The following HCN1 variants were observed in gnomAD, a reference collection of about 807,000 sequenced individuals.
The protein encoded by HCN1 is hyperpolarization activated cyclic nucleotide gated potassium channel 1.
Under a neutral mutation model 78.9 loss-of-function variants are expected in HCN1, and 13 were observed. The ratio of observed to expected loss-of-function variants is 0.16; its 90% confidence interval spans 0.11 to 0.26. The LOEUF (loss-of-function observed/expected upper bound fraction) is 0.26, where lower values mean the gene tolerates loss of function less well. Among genes scored for constraint, HCN1 ranks in the 10% least tolerant of loss-of-function variants. The pLI, the probability that HCN1 is intolerant of heterozygous loss-of-function variation, is 1.00. For missense variants in HCN1, 810 were observed against 1,154.3 expected, an observed-to-expected ratio of 0.70 and a Z score of 4.32; for synonymous variants, 552 against 455.5, an observed-to-expected ratio of 1.21 and a Z score of -2.70.
chr5:45,657,830 G>C (rs941330897), intron 1 of HCN1, among the ~76,000 whole-genome samples: 5 of 152,172 alleles, frequency 3.3e-5, no homozygotes, highest in Non-Finnish European at 7.3e-5. Flanking sequence ...GTAATTTATA[G>C]ATTCAATGCC....
chr5:45,419,176 T>G (rs984918414), intron 3 of HCN1, among the ~76,000 whole-genome samples: 2 of 152,174 alleles, frequency 1.3e-5, no homozygotes, highest in African/African-American at 4.8e-5. Context: ...TGAGCTATTA[T>G]TTCATATCTT....
intron 2 of HCN1, among the ~76,000 whole-genome samples, chr5:45,568,842 C>CT (rs1743769686): frequency 6.6e-6 from 1 of 151,962 alleles, no homozygotes; most frequent in Admixed American, 6.6e-5. Context: ...TCTTGGCAAA[C>CT]TAAGTATTTT....
chr5:45,376,236 C>CTATGTATTCTATATAGAATATAGAA (rs1747658563), intron 4 of HCN1, among the ~76,000 whole-genome samples: 1 of 27,952 alleles, frequency 3.6e-5, no homozygotes, highest in Non-Finnish European at 7.3e-5. Context: ...AATATATATT[C>CTATGTATTCTATATAGAATATAGAA]TATATATTCT....
chr5:45,346,897 G>A (rs559037221), intron 5 of HCN1, among the ~76,000 whole-genome samples: 1 of 152,226 alleles, frequency 6.6e-6, no homozygotes, highest in Non-Finnish European at 1.5e-5. Context: ...ACAGCTCAAG[G>A]AGGCCTGCCT....
chr5:45,561,417 T>G (rs760285093), intron 2 of HCN1, among the ~76,000 whole-genome samples: 8 of 152,146 alleles, frequency 5.3e-5, no homozygotes, highest in Non-Finnish European at 1.0e-4. Context: ...AATACCATTA[T>G]GGCACACTTA....
rs369587930 is a variant in HCN1, at chr5:45,408,840, G to A, written c.1012-12130C>T. ...TGAAATTAAAGTGAAAACAAAAAAC[G>A]TTGTATATATTTTTGTGCTGGGCTC... On this transcript the variant is annotated intron_variant, in intron 3 of 7. Transcript: ENST00000303230. Among the ~76,000 whole-genome samples the A allele has an allele frequency of 1.2e-4, 18 of 152,180 alleles. 1 individual carries two copies. The highest frequency in any genetic ancestry group is 3.1e-4 in the African/African-American group (13 of 41,538).
At chr5:45,532,009 C>T (rs1301425728) in intron 2 of HCN1, among the ~76,000 whole-genome samples, 1 of 152,160 alleles carries the variant, frequency 6.6e-6, no homozygotes, top group Non-Finnish European at 1.5e-5. Flanking sequence ...CACTGCACTC[C>T]AGCCTGGGCG....
chr5:45,270,796 AT>A (rs1744946512), intron 6 of HCN1, among the ~76,000 whole-genome samples: 1 of 152,192 alleles, frequency 6.6e-6, no homozygotes, highest in African/African-American at 2.4e-5. Flanking sequence ...AAGTTTAAAA[AT>A]TAGAAATAAG....
intron 3 of HCN1, among the ~76,000 whole-genome samples, chr5:45,405,118 T>C (rs1383798479): frequency 1.3e-5 from 2 of 152,184 alleles, no homozygotes; most frequent in African/African-American, 4.8e-5. Flanking sequence ...TACAGAATGT[T>C]GATCAGCATG....
At chr5:45,350,095 C>G (rs974693910) in intron 5 of HCN1, among the ~76,000 whole-genome samples, 1 of 152,136 alleles carries the variant, frequency 6.6e-6, no homozygotes. Flanking sequence ...AGACCAATAT[C>G]CTTGATGAAC....
At chr5:45,470,919 C>A (rs1459314638) in intron 2 of HCN1, among the ~76,000 whole-genome samples, 1 of 151,810 alleles carries the variant, frequency 6.6e-6, no homozygotes, top group Non-Finnish European at 1.5e-5. Context: ...TTGTTGTTTT[C>A]TTTAACATTA....
intron 3 of HCN1, among the ~76,000 whole-genome samples, chr5:45,413,066 T>C (rs1740054372): frequency 6.6e-6 from 1 of 152,026 alleles, no homozygotes; most frequent in African/African-American, 2.4e-5. Context: ...TCGATTATGG[T>C]GAAGTGACAT....
intron 3 of HCN1, among the ~76,000 whole-genome samples, chr5:45,449,803 C>T (rs1308992049): frequency 6.6e-6 from 1 of 152,042 alleles, no homozygotes; most frequent in Admixed American, 6.6e-5. Context: ...CATACCTATG[C>T]ATAAGAATAT....
chr5:45,373,305 T>C (rs1747472270), intron 4 of HCN1, among the ~76,000 whole-genome samples: 1 of 115,018 alleles, frequency 8.7e-6, no homozygotes, highest in Non-Finnish European at 1.7e-5. Flanking sequence ...ATATTTTATA[T>C]ACTATATATA....
At chr5:45,542,146 T>A (rs1743117916) in intron 2 of HCN1, among the ~76,000 whole-genome samples, 1 of 152,188 alleles carries the variant, frequency 6.6e-6, no homozygotes, top group African/African-American at 2.4e-5. Context: ...TAACATGTCA[T>A]TAAATTCAGG....
intron 2 of HCN1, among the ~76,000 whole-genome samples, chr5:45,464,658 T>C (rs1337958428): frequency 6.6e-6 from 1 of 151,798 alleles, no homozygotes; most frequent in East Asian, 1.9e-4. Context: ...AAAGAGCATA[T>C]GTAAAGTATA....
At chr5:45,443,767 A>T (rs1740730155) in intron 3 of HCN1, among the ~76,000 whole-genome samples, 1 of 152,126 alleles carries the variant, frequency 6.6e-6, no homozygotes, top group Non-Finnish European at 1.5e-5. Flanking sequence ...TCCAAATAGA[A>T]ACTGACAAAT....
intron 2 of HCN1, among the ~76,000 whole-genome samples, chr5:45,474,578 AT>A (rs1741474360): frequency 6.6e-6 from 1 of 151,860 alleles, no homozygotes; most frequent in African/African-American, 2.4e-5. Flanking sequence ...AATCAACAAT[AT>A]TTCATTAAAT....
chr5:45,560,598 T>C (rs1743577572), intron 2 of HCN1, among the ~76,000 whole-genome samples: 1 of 152,030 alleles, frequency 6.6e-6, no homozygotes, highest in Non-Finnish European at 1.5e-5. Flanking sequence ...GTTGGTTTCA[T>C]TGTATTAACA....
Sources: gnomAD v4.1 joint callset for allele counts (sites outside exome capture counted in the v4.1 genomes callset) on GRCh38, gnomAD v4.1.1 for gene constraint, MANE v1.5 for transcripts, NCBI Gene and HGNC (gene_info 2026-07-23, HGNC 2026-07-21) for gene names.